Variants in CTNNA3 observed in about 807,000 individuals in gnomAD.
The protein encoded by CTNNA3 is catenin alpha 3, also known as catenin alpha-3.
Under a neutral mutation model 95.7 loss-of-function variants are expected in CTNNA3, and 76 were observed. That is an observed-to-expected ratio of 0.79 (90% CI 0.66 to 0.96). The LOEUF is 0.96. Ranked by LOEUF, CTNNA3 falls within the 40% of genes least tolerant of loss-of-function variation. The probability of loss-of-function intolerance (pLI) is 0.00; values close to 1 mark genes in which losing one functional copy is unlikely to be tolerated. For missense variants in CTNNA3, 1,191 were observed against 1,089.8 expected (o/e 1.09, Z -1.31); for synonymous variants, 431 against 374.4 (o/e 1.15, Z -1.74).
At position 67,114,046 on chromosome 10, in the gene CTNNA3, G is replaced by A. The variant is rs12415541; in HGVS notation, c.1047+66271C>T. Among the ~76,000 whole-genome samples the A allele has an allele frequency of 1.8e-3, 271 of 150,748 alleles. 1 individual carries two copies. Among genetic ancestry groups the A allele is most frequent in the Admixed American group, 8.6e-3 (130 of 15,086 alleles). On this transcript the variant is annotated intron_variant, in intron 7 of 17. Coordinates refer to ENST00000433211, the MANE Select transcript of CTNNA3 (RefSeq NM_013266.4). ...TTCAGTGAGCTATGATCACACCACC[G>A]CACTTCAGTCTGGGTGACAGGGGGA... is the stretch of plus-strand genomic sequence containing the variant.
Position 66,331,844 on chromosome 10 carries a change from C to T in CTNNA3, c.1732+47308G>A, listed in dbSNP as rs548725510. On this transcript the variant is annotated intron_variant, in intron 12 of 17. Transcript: ENST00000433211. ...TTTTTTCCAATTCTGTGAAGAAAGT[C>T]ATTGGTAGCTTGATGGGGATGGCAT... Among the ~76,000 whole-genome samples, 7 of 152,030 alleles carry T rather than the reference C, an allele frequency of 4.6e-5. 1 individual carries two copies. Among genetic ancestry groups the T allele is most frequent in the Admixed American group, 4.6e-4 (7 of 15,280 alleles).
intron 7 of CTNNA3, among the ~76,000 whole-genome samples, chr10:66,863,285 CCTGA>C (rs1844025297): frequency 6.6e-6 from 1 of 151,378 alleles, no homozygotes; most frequent in Admixed American, 6.6e-5. Flanking sequence ...TCTGAAGAAC[CCTGA>C]CTAATACAGA....
chr10:66,998,565 A>G (rs1241387274), intron 7 of CTNNA3, among the ~76,000 whole-genome samples: 1 of 151,978 alleles, frequency 6.6e-6, no homozygotes, highest in Non-Finnish European at 1.5e-5. Context: ...ATGACAATGA[A>G]CAGAAGAAAG....
intron 10 of CTNNA3, among the ~76,000 whole-genome samples, chr10:66,540,181 A>G (rs1841800954): frequency 6.6e-6 from 1 of 152,142 alleles, no homozygotes; most frequent in South Asian, 2.1e-4. Context: ...GGATGGCAGG[A>G]CATTTTATAG....
chr10:66,678,634 T>G (rs1197584219), intron 9 of CTNNA3, among the ~76,000 whole-genome samples: 1 of 152,140 alleles, frequency 6.6e-6, no homozygotes, highest in African/African-American at 2.4e-5. Flanking sequence ...TTGGGGCTAT[T>G]TCTTGAGTCA....
intron 12 of CTNNA3, among the ~76,000 whole-genome samples, chr10:66,376,151 T>C (rs922361656): frequency 6.6e-6 from 1 of 152,156 alleles, no homozygotes; most frequent in African/African-American, 2.4e-5. Flanking sequence ...TCCGTCCACT[T>C]CCAGTTTAGG....
chr10:66,186,255 G>A (rs574470162), intron 13 of CTNNA3, among the ~76,000 whole-genome samples: 1 of 150,814 alleles, frequency 6.6e-6, no homozygotes, highest in Admixed American at 6.7e-5. Context: ...GTTATTATGT[G>A]TCAATTAAAA....
chr10:66,978,552 A>AAATAAAAAAAAATATATATATATATAT, intron 7 of CTNNA3, among the ~76,000 whole-genome samples: 22 of 37,888 alleles, frequency 5.8e-4, no homozygotes, highest in Non-Finnish European at 6.8e-4. Flanking sequence ...AAAAAAAAAA[A>AAATAAAAAAAAATATATATATATATAT]ATATATATAT....
intron 4 of CTNNA3, among the ~76,000 whole-genome samples, chr10:67,528,294 A>T (rs2133175921): frequency 6.6e-6 from 1 of 152,218 alleles, no homozygotes; most frequent in South Asian, 2.1e-4. Context: ...CCATTTTTCT[A>T]TGAACTTTGT....
At chr10:66,088,828 A>G (rs1319365228) in intron 14 of CTNNA3, among the ~76,000 whole-genome samples, 1 of 152,130 alleles carries the variant, frequency 6.6e-6, no homozygotes, top group African/African-American at 2.4e-5. Flanking sequence ...TGGGACAACA[A>G]TTAACATACT....
intron 15 of CTNNA3, among the ~76,000 whole-genome samples, chr10:66,023,799 A>G (rs2079274369): frequency 6.6e-6 from 1 of 152,204 alleles, no homozygotes; most frequent in Non-Finnish European, 1.5e-5. Context: ...CTTGATAAAT[A>G]AAGTAATTTA....
chr10:66,816,186 ACT>A (rs1033521535), intron 7 of CTNNA3, among the ~76,000 whole-genome samples: 52 of 152,226 alleles, frequency 3.4e-4, no homozygotes, highest in African/African-American at 1.1e-3. Context: ...TATAAACATA[ACT>A]CTGAAAATAT....
intron 7 of CTNNA3, among the ~76,000 whole-genome samples, chr10:67,115,636 G>A (rs55650159): frequency 0.029 from 4,420 of 151,450 alleles, 213 homozygotes; most frequent in African/African-American, 0.1. Context: ...TCTACTAGAG[G>A]AATGGATGTT....
chr10:67,020,624 G>A (rs563724367), intron 7 of CTNNA3, among the ~76,000 whole-genome samples: 9 of 152,064 alleles, frequency 5.9e-5, no homozygotes, highest in Non-Finnish European at 2.9e-5. Flanking sequence ...GATTGCTTAA[G>A]GACAGCCCCT....
At position 66,868,369 on chromosome 10, in the gene CTNNA3, A is replaced by C. The variant is rs1844265748; in HGVS notation, c.1048-92845T>G. ...AACAAGAGCAAAACTCTGTCGCAAAAATTAAAAAAAAAATAAAAAAAACTG... is the reference window on the plus strand; with the variant it reads ...AACAAGAGCAAAACTCTGTCGCAAACATTAAAAAAAAAATAAAAAAAACTG... On this transcript the variant is annotated intron_variant, in intron 7 of 17. Transcript: ENST00000433211. Among the ~76,000 whole-genome samples the C allele has an allele frequency of 2.1e-5, 3 of 145,362 alleles. 1 individual carries two copies. The South Asian group carries it at 6.5e-4, about 31-fold the overall frequency.
chr10:67,045,155 C>T (rs1426602136), intron 7 of CTNNA3, among the ~76,000 whole-genome samples: 2 of 152,100 alleles, frequency 1.3e-5, no homozygotes, highest in African/African-American at 2.4e-5. Flanking sequence ...CTGAAGCATA[C>T]AACAAAATAC....
At chr10:67,740,261 G>T (rs1447713727) in intron 1 of CTNNA3, among the ~76,000 whole-genome samples, 2 of 152,120 alleles carry the variant, frequency 1.3e-5, no homozygotes, top group African/African-American at 4.8e-5. Flanking sequence ...AAGACTTCAT[G>T]TCTAAAACAC....
intron 13 of CTNNA3, among the ~76,000 whole-genome samples, chr10:66,164,436 G>T (rs750232076): frequency 2.0e-5 from 3 of 151,810 alleles, no homozygotes; most frequent in African/African-American, 4.8e-5. Flanking sequence ...CTGTTCTCCT[G>T]GCCACAATCA....
chr10:67,659,132 CAATATGA>C (rs1400864778), intron 1 of CTNNA3, among the ~76,000 whole-genome samples: 1 of 151,722 alleles, frequency 6.6e-6, no homozygotes, highest in Non-Finnish European at 1.5e-5. Flanking sequence ...TTACTTTAAC[CAATATGA>C]AATATGAAAA....
Sources: gnomAD v4.1 joint callset for allele counts (sites outside exome capture counted in the v4.1 genomes callset) on GRCh38, gnomAD v4.1.1 for gene constraint, MANE v1.5 for transcripts, NCBI Gene and HGNC (gene_info 2026-07-23, HGNC 2026-07-21) for gene names.